SNU13: variants seen among roughly 807,000 people sequenced by gnomAD.
SNU13 encodes NHP2-like protein 1.
In SNU13, 2 loss-of-function variants were observed where a neutral mutation model predicts 12.4. The observed-to-expected ratio is 0.16, with a 90% CI of 0.07 to 0.51. SNU13 has a LOEUF of 0.51. Among genes scored for constraint, SNU13 ranks in the 20% least tolerant of loss-of-function variants. The pLI is 0.96. For missense variants in SNU13, 66 were observed against 157.8 expected (o/e 0.42, Z 3.12); for synonymous variants, 68 against 66.5 (o/e 1.02, Z -0.11).
chr22:41,680,630 T>G (rs980230610), intron 1 of SNU13, among the ~76,000 whole-genome samples: 18 of 152,258 alleles, frequency 1.2e-4, no homozygotes, highest in Admixed American at 1.2e-3. Flanking sequence ...TTTGATAATA[T>G]TACAGCAAAT....
chr22:41,681,273 A>T (rs1214872615), intron 1 of SNU13: 1 of 152,228 alleles, frequency 6.6e-6, no homozygotes, highest in Non-Finnish European at 1.5e-5. Context: ...TATCAAAGCC[A>T]TCCAGTGGCA....
rs1220879808 is a variant in SNU13 at position 41,674,316 on chromosome 22, C to A, written c.*617G>T. The A allele has an allele frequency of 2.0e-5, 3 of 153,530 alleles. No individual in the cohort carries two copies. The highest frequency in any genetic ancestry group is 7.2e-5 in the African/African-American group (3 of 41,462). 9.5% of individuals were successfully genotyped at this position (153,530 alleles called of 1,614,324 possible). A position where few individuals can be genotyped will look rare whatever the true frequency, so the allele number is the denominator to read the frequency against. ...CACATCTCTTTGGTATGCTGCTGCC[C>A]TGCTACCCTCAAGGGCATGGTTGTG... On this transcript the variant is annotated 3_prime_UTR_variant, in exon 3 of 3. Coordinates refer to ENST00000401959, the MANE Select transcript of SNU13 (RefSeq NM_001003796.2).
chr22:41,686,202 T>C (rs1459618138), intron 1 of SNU13, among the ~76,000 whole-genome samples: 1 of 152,184 alleles, frequency 6.6e-6, no homozygotes, highest in African/African-American at 2.4e-5. Flanking sequence ...GCCTTCTATT[T>C]GTTCCACTTG....
Position 41,680,168 on chromosome 22 carries a change from T to C in SNU13, c.124+76A>G, listed in dbSNP as rs2068250208. ...AGAGCAGCTAGCCCTCCTCCCAAAC[T>C]GGAAATCAGATCAGAGGCCCCAGAT... On this transcript the variant is annotated intron_variant, in intron 2 of 2. Coordinates refer to ENST00000401959, the MANE Select transcript of SNU13 (RefSeq NM_001003796.2). 3.4e-6 allele frequency: 5 copies of C among 1,486,656 alleles called. No individual in the cohort carries two copies. In the East Asian group the frequency reaches 9.7e-5, roughly 29 times the overall value. 92.1% of individuals were successfully genotyped at this position (1,486,656 alleles called of 1,614,324 possible).
intron 2 of SNU13, chr22:41,679,696 T>C (rs1601571370): frequency 6.6e-6 from 1 of 151,666 alleles, no homozygotes; most frequent in African/African-American, 2.4e-5. Flanking sequence ...TTTTCCTTTT[T>C]TACAAAGGGA....
chr22:41,686,128 G>A (rs1476640116), intron 1 of SNU13, among the ~76,000 whole-genome samples: 4 of 151,896 alleles, frequency 2.6e-5, no homozygotes, highest in Non-Finnish European at 1.5e-5. Flanking sequence ...CTTTTAACTG[G>A]AGCACTCAGT....
intron 1 of SNU13, among the ~76,000 whole-genome samples, chr22:41,685,560 G>A (rs2068303927): frequency 6.6e-6 from 1 of 151,170 alleles, no homozygotes; most frequent in Non-Finnish European, 1.5e-5. Context: ...CACCATGTTG[G>A]CCAGGCTGGT....
chr22:41,682,472 G>C, intron 1 of SNU13: 1 of 1,594,430 alleles, frequency 6.3e-7, no homozygotes, highest in Non-Finnish European at 8.5e-7. Context: ...CCAAGAGCAG[G>C]AAGTGACGCC....
At chr22:41,684,456 C>A (rs2068293542) in intron 1 of SNU13, among the ~76,000 whole-genome samples, 1 of 152,150 alleles carries the variant, frequency 6.6e-6, no homozygotes, top group Non-Finnish European at 1.5e-5. Context: ...TATATCCTTT[C>A]ATTTGTTTCT....
At chr22:41,682,454 C>A (rs2068272907) in intron 1 of SNU13, 4 of 1,605,100 alleles carry the variant, frequency 2.5e-6, no homozygotes, top group Non-Finnish European at 3.4e-6. Flanking sequence ...GACACGGATG[C>A]CCCGCCCCCA....
intron 2 of SNU13, among the ~76,000 whole-genome samples, chr22:41,679,304 A>C (rs1005401016): frequency 2.6e-5 from 4 of 151,122 alleles, no homozygotes; most frequent in African/African-American, 9.7e-5. Flanking sequence ...CTGTAATCCC[A>C]GCAGCACTTT....
intron 1 of SNU13, among the ~76,000 whole-genome samples, chr22:41,687,460 A>C (rs970632692): frequency 2.6e-4 from 40 of 152,248 alleles, no homozygotes; most frequent in African/African-American, 8.9e-4. Context: ...ACAATCATTA[A>C]ATACCTAAAT....
At chr22:41,677,130 C>T (rs1811113) in intron 2 of SNU13, among the ~76,000 whole-genome samples, 126,494 of 152,132 alleles carry the variant, frequency 0.83, 53,575 homozygotes, top group African/African-American at 0.95. Context: ...AGCCATGTTT[C>T]ACCTGAGAAA....
At chr22:41,682,607 G>C in intron 1 of SNU13, 1 of 1,410,920 alleles carries the variant, frequency 7.1e-7, no homozygotes, top group Non-Finnish European at 9.3e-7. Context: ...ATTAGGTGAA[G>C]GATGGAGGAG....
At chr22:41,678,138 G>A (rs2068230552) in intron 2 of SNU13, among the ~76,000 whole-genome samples, 1 of 152,008 alleles carries the variant, frequency 6.6e-6, no homozygotes, top group Admixed American at 6.6e-5. Flanking sequence ...ACCACGCCCG[G>A]CTAATTTTTT....
chr22:41,686,871 C>T (rs1218350409), intron 1 of SNU13, among the ~76,000 whole-genome samples: 4 of 151,744 alleles, frequency 2.6e-5, no homozygotes, highest in African/African-American at 4.8e-5. Context: ...ATGATCCACC[C>T]GCCTCAGCCT....
At chr22:41,678,115 A>G (rs1301499752) in intron 2 of SNU13, among the ~76,000 whole-genome samples, 1 of 151,932 alleles carries the variant, frequency 6.6e-6, no homozygotes, top group African/African-American at 2.4e-5. Context: ...AGCTGGGACT[A>G]TAGGCGCCCG....
At chr22:41,681,274 T>A (rs959738384) in intron 1 of SNU13, 1 of 152,236 alleles carries the variant, frequency 6.6e-6, no homozygotes, top group Admixed American at 6.5e-5. Context: ...ATCAAAGCCA[T>A]CCAGTGGCAG....
intron 1 of SNU13, chr22:41,682,455 C>T: frequency 1.2e-6 from 2 of 1,605,138 alleles, no homozygotes; most frequent in Non-Finnish European, 1.7e-6. Flanking sequence ...ACACGGATGC[C>T]CCGCCCCCAA....
Sources: allele counts gnomAD v4.1 joint callset (sites outside exome capture counted in the v4.1 genomes callset), GRCh38; gene constraint gnomAD v4.1.1; transcripts MANE v1.5; gene names NCBI Gene and HGNC (gene_info 2026-07-23, HGNC 2026-07-21).